Variants in MED13L observed in about 807,000 individuals in gnomAD.
MED13L encodes mediator complex subunit 13L.
Under a neutral mutation model 220.9 loss-of-function variants are expected in MED13L, and 7 were observed. The observed-to-expected ratio is 0.03, with a 90% CI of 0.02 to 0.06. The LOEUF is 0.06. Ranked by LOEUF, MED13L falls within the 10% of genes least tolerant of loss-of-function variation. MED13L has a pLI of 1.00. For missense variants in MED13L, 1,965 were observed against 2,760.5 expected (o/e 0.71, Z 6.46); for synonymous variants, 1,011 against 1,015.2 (o/e 1.00, Z 0.08).
At chr12:115,982,158 T>C (rs1592912995) in intron 22 of MED13L, 2 of 550,844 alleles carry the variant, frequency 3.6e-6, no homozygotes, top group East Asian at 3.2e-5. Context: ...ATATGAAACA[T>C]AAATAAATTT....
intron 15 of MED13L, 113 bp downstream of exon 15, chr12:115,996,897 T>C: frequency 8.2e-7 from 1 of 1,217,830 alleles, no homozygotes; most frequent in East Asian, 2.3e-5. Context: ...ATTAAAAGGA[T>C]TCTTAGGAAC....
At chr12:116,002,861 A>C (rs1878831505) in intron 14 of MED13L, 142 bp downstream of exon 14, 1 of 718,670 alleles carries the variant, frequency 1.4e-6, no homozygotes, top group Middle Eastern at 3.5e-4. Flanking sequence ...ACACCAATTT[A>C]TATAGGTTTT....
At position 115,983,546 on chromosome 12, in the gene MED13L, A is replaced by G; in HGVS notation, c.4532-6T>C. 1 of 1,614,022 alleles carries G rather than the reference A, an allele frequency of 6.2e-7. No individual in the cohort carries two copies. Among genetic ancestry groups the G allele is most frequent in the Non-Finnish European group, 8.5e-7 (1 of 1,179,984 alleles). ...CAGAGTGGCTAAATAAGGTGCTGAA[A>G]GAATACATGCAAAGAGGTGACTTTA... On this transcript the variant is annotated splice_polypyrimidine_tract_variant and splice_region_variant and intron_variant, in intron 20 of 30. Coordinates refer to ENST00000281928, the MANE Select transcript of MED13L (RefSeq NM_015335.5).
At chr12:116,168,516 A>G (rs1244042384) in intron 2 of MED13L, among the ~76,000 whole-genome samples, 2 of 152,196 alleles carry the variant, frequency 1.3e-5, no homozygotes, top group Non-Finnish European at 2.9e-5. Context: ...GTGTTCACCT[A>G]GCAACTTTCT....
intron 4 of MED13L, among the ~76,000 whole-genome samples, chr12:116,046,939 C>T (rs1881873288): frequency 1.3e-5 from 2 of 152,140 alleles, no homozygotes; most frequent in Admixed American, 1.3e-4. Context: ...CACCAATGCA[C>T]TCCAGCCTGG....
intron 1 of MED13L, among the ~76,000 whole-genome samples, chr12:116,241,756 T>C (rs1005128410): frequency 2.0e-5 from 3 of 152,182 alleles, no homozygotes; most frequent in Non-Finnish European, 4.4e-5. Flanking sequence ...AAACAGCTCC[T>C]TTAAAGTTAA....
At chr12:116,239,313 A>C (rs971407728) in intron 1 of MED13L, among the ~76,000 whole-genome samples, 3 of 152,186 alleles carry the variant, frequency 2.0e-5, no homozygotes, top group African/African-American at 7.2e-5. Flanking sequence ...CCTATATGTT[A>C]CTTGGTTTCC....
At chr12:116,140,958 T>C (rs1315113731) in intron 2 of MED13L, among the ~76,000 whole-genome samples, 1 of 152,256 alleles carries the variant, frequency 6.6e-6, no homozygotes, top group Non-Finnish European at 1.5e-5. Flanking sequence ...TTGTGCTGTT[T>C]GTTTCCTTCA....
intron 2 of MED13L, among the ~76,000 whole-genome samples, chr12:116,163,449 C>G (rs888770041): frequency 6.6e-6 from 1 of 150,578 alleles, no homozygotes; most frequent in African/African-American, 2.4e-5. Context: ...ACTGCAACCT[C>G]TGCCTCCCAG....
At chr12:116,096,645 G>A in intron 4 of MED13L, 24 bp downstream of exon 4, 1 of 1,604,012 alleles carries the variant, frequency 6.2e-7, no homozygotes, top group Non-Finnish European at 8.5e-7. Flanking sequence ...AAACCAAAAA[G>A]CCAAGAGCAT....
At chr12:115,980,682 G>T in intron 23 of MED13L, 68 bp downstream of exon 23, 1 of 1,531,060 alleles carries the variant, frequency 6.5e-7, no homozygotes, top group Non-Finnish European at 9.0e-7. Flanking sequence ...CTCTGGGTTA[G>T]ATAAAATACC....
intron 4 of MED13L, among the ~76,000 whole-genome samples, chr12:116,090,885 G>A (rs935556620): frequency 2.0e-5 from 3 of 152,172 alleles, no homozygotes; most frequent in African/African-American, 4.8e-5. Context: ...AGCACTTTGG[G>A]AGGCCAAGGC....
At chr12:116,238,445 AAGTTAAG>A (rs1483354088) in intron 1 of MED13L, among the ~76,000 whole-genome samples, 1 of 152,120 alleles carries the variant, frequency 6.6e-6, no homozygotes, top group African/African-American at 2.4e-5. Flanking sequence ...CTTAAATCTT[AAGTTAAG>A]AGCTAAACTT....
intron 13 of MED13L, 67 bp downstream of exon 13, chr12:116,005,799 ATAC>A (rs1879011646): frequency 1.3e-6 from 2 of 1,584,598 alleles, no homozygotes; most frequent in Non-Finnish European, 1.7e-6. Flanking sequence ...CTATAAAGAA[ATAC>A]TACAACACTG....
intron 2 of MED13L, among the ~76,000 whole-genome samples, chr12:116,131,264 C>A (rs1029964782): frequency 2.0e-5 from 3 of 152,118 alleles, no homozygotes; most frequent in African/African-American, 7.2e-5. Context: ...GGAAATTATA[C>A]ACAAAATAAT....
chr12:116,214,672 A>T (rs964450501), intron 2 of MED13L, among the ~76,000 whole-genome samples: 2 of 152,170 alleles, frequency 1.3e-5, no homozygotes, highest in Non-Finnish European at 2.9e-5. Flanking sequence ...CAATTCAGAC[A>T]GGGGTAAGAA....
intron 1 of MED13L, among the ~76,000 whole-genome samples, chr12:116,272,047 C>G (rs996470800): frequency 3.3e-5 from 5 of 152,118 alleles, no homozygotes; most frequent in Non-Finnish European, 7.4e-5. Flanking sequence ...TGAGAGACAG[C>G]TGAATTAACT....
intron 2 of MED13L, among the ~76,000 whole-genome samples, chr12:116,113,829 GGAGGGAGGGGGGAAGAGAGAGAGGA>G (rs1874299366): frequency 1.5e-5 from 1 of 67,228 alleles, no homozygotes. Context: ...GAGGGAGAGG[GGAGGGAGGGGGGAAGAGAGAGAGGA>G]GAGGGGGAGA....
chr12:116,134,629 C>T (rs1876368626), intron 2 of MED13L, among the ~76,000 whole-genome samples: 1 of 151,942 alleles, frequency 6.6e-6, no homozygotes, highest in African/African-American at 2.4e-5. Context: ...AATAATTTTA[C>T]TTATATAAAA....
Sources: allele counts gnomAD v4.1 joint callset (sites outside exome capture counted in the v4.1 genomes callset), GRCh38; gene constraint gnomAD v4.1.1; transcripts MANE v1.5; gene names NCBI Gene and HGNC (gene_info 2026-07-23, HGNC 2026-07-21).